Variants in NEGR1 observed in about 807,000 individuals in gnomAD.
The protein encoded by NEGR1 is neuronal growth regulator 1.
A neutral mutation model predicts 40.9 loss-of-function variants in NEGR1; 10 were observed. The observed-to-expected ratio is 0.24, with a 90% CI of 0.15 to 0.42. NEGR1 has a LOEUF of 0.42. Among genes scored for constraint, NEGR1 ranks in the 10% least tolerant of loss-of-function variants. The pLI is 1.00. For synonymous variants in NEGR1, 185 were observed against 166.8 expected (o/e 1.11, Z -0.84); for missense variants, 352 against 438.9 (o/e 0.80, Z 1.77).
At chr1:71,554,377 A>T (rs1648184022) in intron 6 of NEGR1, among the ~76,000 whole-genome samples, 1 of 151,482 alleles carries the variant, frequency 6.6e-6, no homozygotes, top group Non-Finnish European at 1.5e-5. Context: ...AAATCAAACA[A>T]TGGTGTTATT....
intron 6 of NEGR1, among the ~76,000 whole-genome samples, chr1:71,477,726 C>T (rs953266253): frequency 4.6e-5 from 7 of 152,100 alleles, no homozygotes; most frequent in East Asian, 1.9e-4. Flanking sequence ...CTTGAAACTC[C>T]GTGGCCCTTT....
intron 2 of NEGR1, among the ~76,000 whole-genome samples, chr1:71,810,810 A>G (rs1411742581): frequency 6.6e-6 from 1 of 152,008 alleles, no homozygotes; most frequent in African/African-American, 2.4e-5. Context: ...TTCCACCATG[A>G]TGGTAAGTTT....
intron 2 of NEGR1, among the ~76,000 whole-genome samples, chr1:71,827,102 G>T (rs1450277498): frequency 6.6e-6 from 1 of 151,576 alleles, no homozygotes; most frequent in East Asian, 2.0e-4. Flanking sequence ...CATGAGACTT[G>T]TGATGAAATC....
chr1:72,034,806 A>G (rs1646888591), intron 1 of NEGR1, among the ~76,000 whole-genome samples: 1 of 152,130 alleles, frequency 6.6e-6, no homozygotes, highest in Non-Finnish European at 1.5e-5. Flanking sequence ...AAAGGGTAAA[A>G]GTTATTGGTG....
chr1:71,879,012 A>T (rs1660509628), intron 2 of NEGR1, among the ~76,000 whole-genome samples: 1 of 152,054 alleles, frequency 6.6e-6, no homozygotes, highest in Non-Finnish European at 1.5e-5. Flanking sequence ...GCATGCCTGT[A>T]ATCTCAGCTA....
At chr1:71,871,616 T>G (rs968575256) in intron 2 of NEGR1, among the ~76,000 whole-genome samples, 1 of 152,200 alleles carries the variant, frequency 6.6e-6, no homozygotes, top group Non-Finnish European at 1.5e-5. Context: ...TGCTTTATCT[T>G]GGCATATCAA....
intron 1 of NEGR1, among the ~76,000 whole-genome samples, chr1:72,091,147 TG>T (rs1648474074): frequency 6.6e-6 from 1 of 152,144 alleles, no homozygotes; most frequent in Non-Finnish European, 1.5e-5. Context: ...TACTAGGGAC[TG>T]GGGATGAGCA....
At chr1:72,047,031 C>G (rs775431864) in intron 1 of NEGR1, among the ~76,000 whole-genome samples, 1 of 151,510 alleles carries the variant, frequency 6.6e-6, no homozygotes, top group Middle Eastern at 3.2e-3. Flanking sequence ...ATTAACCACC[C>G]TTTCCATACT....
chr1:72,155,352 G>A (rs1446400027), intron 1 of NEGR1, among the ~76,000 whole-genome samples: 2 of 151,972 alleles, frequency 1.3e-5, no homozygotes, highest in African/African-American at 4.8e-5. Flanking sequence ...GTTAAGGAAA[G>A]CAATGTCATG....
At chr1:71,504,741 G>A (rs1647021427) in intron 6 of NEGR1, among the ~76,000 whole-genome samples, 1 of 152,244 alleles carries the variant, frequency 6.6e-6, no homozygotes, top group Middle Eastern at 3.4e-3. Flanking sequence ...GACAGTATCC[G>A]AGGTAAAAGG....
chr1:71,966,914 T>A (rs957803597), intron 1 of NEGR1, among the ~76,000 whole-genome samples: 4 of 152,188 alleles, frequency 2.6e-5, no homozygotes, highest in African/African-American at 4.8e-5. Flanking sequence ...GCTTTTACAA[T>A]TTTTCATATT....
chr1:72,078,491 T>C (rs764370930), intron 1 of NEGR1, among the ~76,000 whole-genome samples: 2 of 151,968 alleles, frequency 1.3e-5, no homozygotes, highest in Non-Finnish European at 2.9e-5. Flanking sequence ...CTATTTTTGC[T>C]GTTAGATATG....
At chr1:72,029,986 C>T (rs1569850015) in intron 1 of NEGR1, among the ~76,000 whole-genome samples, 1 of 151,316 alleles carries the variant, frequency 6.6e-6, no homozygotes, top group South Asian at 2.1e-4. Context: ...CTTTCTTTCT[C>T]ACAAGAATTG....
At chr1:72,246,861 T>C (rs1654920239) in intron 1 of NEGR1, among the ~76,000 whole-genome samples, 1 of 152,248 alleles carries the variant, frequency 6.6e-6, no homozygotes. Flanking sequence ...CTTTCTCATA[T>C]ATCCTCTGAA....
intron 1 of NEGR1, among the ~76,000 whole-genome samples, chr1:72,102,192 T>A (rs932723292): frequency 2.6e-5 from 4 of 152,134 alleles, no homozygotes; most frequent in Non-Finnish European, 5.9e-5. Context: ...AGAAGTATAC[T>A]TATAAAATGT....
intron 1 of NEGR1, among the ~76,000 whole-genome samples, chr1:72,189,905 A>G (rs898970755): frequency 6.6e-6 from 1 of 151,602 alleles, no homozygotes; most frequent in East Asian, 1.9e-4. Context: ...TAATGACTGG[A>G]CCTTGATCAT....
intron 2 of NEGR1, among the ~76,000 whole-genome samples, chr1:71,872,490 T>A (rs905036862): frequency 1.3e-5 from 2 of 152,144 alleles, no homozygotes; most frequent in Non-Finnish European, 2.9e-5. Flanking sequence ...ACTCCCTGTT[T>A]AGGTGGAGAG....
At chr1:72,222,960 T>TCTC (rs1332420994) in intron 1 of NEGR1, among the ~76,000 whole-genome samples, 3 of 152,160 alleles carry the variant, frequency 2.0e-5, no homozygotes, top group African/African-American at 7.2e-5. Flanking sequence ...TTGGAAATGT[T>TCTC]CTCTATATCT....
At chr1:71,594,456 C>A (rs1415035708) in intron 5 of NEGR1, among the ~76,000 whole-genome samples, 2 of 152,110 alleles carry the variant, frequency 1.3e-5, no homozygotes, top group African/African-American at 2.4e-5. Context: ...TTAAAATGAG[C>A]AGTCATACTT....
Sources: gnomAD v4.1 joint callset for allele counts (sites outside exome capture counted in the v4.1 genomes callset) on GRCh38, gnomAD v4.1.1 for gene constraint, MANE v1.5 for transcripts, NCBI Gene and HGNC (gene_info 2026-07-23, HGNC 2026-07-21) for gene names.